KMT5B: variants seen among roughly 807,000 people sequenced by gnomAD.
The protein encoded by KMT5B is lysine methyltransferase 5B.
Under a neutral mutation model 83.2 loss-of-function variants are expected in KMT5B, and 10 were observed. The ratio of observed to expected loss-of-function variants is 0.12; its 90% confidence interval spans 0.07 to 0.20. The LOEUF is 0.20. Ranked by LOEUF, KMT5B falls within the 10% of genes least tolerant of loss-of-function variation. KMT5B has a pLI of 1.00. For synonymous variants in KMT5B, 349 were observed against 388.8 expected, an observed-to-expected ratio of 0.90 and a Z score of 1.20; for missense variants, 753 against 1,067.2, an observed-to-expected ratio of 0.71 and a Z score of 4.10.
chr11:68,183,978 G>A (rs1420196489), intron 3 of KMT5B, among the ~76,000 whole-genome samples: 1 of 152,036 alleles, frequency 6.6e-6, no homozygotes, highest in Non-Finnish European at 1.5e-5. Flanking sequence ...AATCAATCAG[G>A]GCATCCAATG....
chr11:68,187,606 G>A (rs1857560007), intron 2 of KMT5B, among the ~76,000 whole-genome samples: 1 of 152,290 alleles, frequency 6.6e-6, no homozygotes, highest in Non-Finnish European at 1.5e-5. Context: ...TCTAGCATAT[G>A]TTCTATCCTG....
At chr11:68,189,069 A>G (rs1282246800) in intron 2 of KMT5B, among the ~76,000 whole-genome samples, 1 of 152,250 alleles carries the variant, frequency 6.6e-6, no homozygotes, top group Non-Finnish European at 1.5e-5. Flanking sequence ...AAGGAAATCT[A>G]TCAGAACTTG....
intron 4 of KMT5B, among the ~76,000 whole-genome samples, chr11:68,175,446 T>C (rs1856264147): frequency 6.6e-6 from 1 of 152,234 alleles, no homozygotes; most frequent in Non-Finnish European, 1.5e-5. Flanking sequence ...TTCTCTTTTT[T>C]CAATCTGTTA....
chr11:68,208,627 G>A (rs1445844202), intron 1 of KMT5B, among the ~76,000 whole-genome samples: 1 of 152,200 alleles, frequency 6.6e-6, no homozygotes, highest in Non-Finnish European at 1.5e-5. Context: ...AGGATGTTAG[G>A]AGAGAGACTA....
chr11:68,158,889 T>G lies in KMT5B; in HGVS notation c.1457A>C (p.Lys486Thr). The G allele has an allele frequency of 6.2e-7, 1 of 1,614,178 alleles. No individual in the cohort carries two copies. Among genetic ancestry groups the G allele is most frequent in the Non-Finnish European group, 8.5e-7 (1 of 1,180,050 alleles). Reference sequence around the variant, plus strand: ...CTTATCTTTTTTAATGGGCAAATTTTTATACAGAACTACTTTAGGCTCTTT... The same window carrying G: ...CTTATCTTTTTTAATGGGCAAATTTGTATACAGAACTACTTTAGGCTCTTT... ...VLKEPKVVLYKNLPIKKDKEP... is the reference protein window; with the variant it reads ...VLKEPKVVLYTNLPIKKDKEP... The change falls in exon 11 of 11, where the codon AAA becomes ACA. Residue 486 changes from lysine to threonine, a missense_variant. By Grantham distance (78) the Lys-to-Thr change is moderately conservative. Coordinates refer to ENST00000304363, the MANE Select transcript of KMT5B (RefSeq NM_017635.5).
At position 68,156,688 on chromosome 11, in the gene KMT5B, A is replaced by G. The variant is rs1010021722; in HGVS notation, c.*1000T>C. 1.4e-4 allele frequency: 21 copies of G among 152,636 alleles called. No homozygotes were observed. Among genetic ancestry groups the G allele is most frequent in the Admixed American group, 6.5e-4 (10 of 15,282 alleles). 9.5% of individuals were successfully genotyped at this position (152,636 alleles called of 1,614,324 possible). On this transcript the variant is annotated 3_prime_UTR_variant, in exon 11 of 11. Transcript: ENST00000304363. ...ATATACATTGTTTTCAGTTCTTTAC[A>G]TTGAATCTCAAAGACAAACTTTTTT...
intron 1 of KMT5B, among the ~76,000 whole-genome samples, chr11:68,205,311 T>C (rs1002547880): frequency 2.0e-5 from 3 of 151,784 alleles, no homozygotes; most frequent in Non-Finnish European, 4.4e-5. Context: ...GAGTGAGACC[T>C]CACCTTTAAA....
chr11:68,188,089 A>C (rs1196376297), intron 2 of KMT5B, among the ~76,000 whole-genome samples: 1 of 150,796 alleles, frequency 6.6e-6, no homozygotes, highest in Non-Finnish European at 1.5e-5. Context: ...CAGTGACGCA[A>C]TCTCGGCTCA....
intron 1 of KMT5B, among the ~76,000 whole-genome samples, chr11:68,202,142 A>G (rs934648964): frequency 6.6e-5 from 10 of 152,104 alleles, no homozygotes; most frequent in Admixed American, 2.0e-4. Context: ...CAAAGAAAAC[A>G]TTTTTCAAGT....
At chr11:68,191,581 G>A (rs1858075914) in intron 1 of KMT5B, among the ~76,000 whole-genome samples, 1 of 151,808 alleles carries the variant, frequency 6.6e-6, no homozygotes, top group Non-Finnish European at 1.5e-5. Flanking sequence ...TGATCCACCT[G>A]CCTTGGCCTC....
chr11:68,181,138 G>C lies in KMT5B; in HGVS notation c.309-938C>G, dbSNP rs532283808. Among the ~76,000 whole-genome samples, 3 of 150,046 alleles carry C rather than the reference G, an allele frequency of 2.0e-5. No individual in the cohort carries two copies. The East Asian group carries it at 5.9e-4, about 29-fold the overall frequency. ...TGCCCAGGCTGGAGTGCAGTGGTGT[G>C]ATCTAGGCTCACTGCAACCTCTGCC... is the stretch of plus-strand genomic sequence containing the variant. On this transcript the variant is annotated intron_variant, in intron 3 of 10. Transcript: ENST00000304363.
chr11:68,199,174 CTG>C (rs1269618622), intron 1 of KMT5B, among the ~76,000 whole-genome samples: 1 of 152,138 alleles, frequency 6.6e-6, no homozygotes, highest in Non-Finnish European at 1.5e-5. Flanking sequence ...ATTCCAGACA[CTG>C]TTGCAGGCAC....
intron 1 of KMT5B, among the ~76,000 whole-genome samples, chr11:68,208,823 C>T (rs1860505180): frequency 6.6e-6 from 1 of 152,192 alleles, no homozygotes; most frequent in Non-Finnish European, 1.5e-5. Flanking sequence ...TGCTCTCCAG[C>T]CTGGGAGGCT....
chr11:68,194,524 A>G lies in KMT5B; in HGVS notation c.-76-4372T>C, dbSNP rs377237917. 7.2e-5 allele frequency among the ~76,000 whole-genome samples: 11 copies of G among 152,240 alleles called. No homozygotes were observed. The East Asian group carries it at 1.4e-3, about 19-fold the overall frequency. ...TCAAAAATTATAGCCTACTATCACA[A>G]TGCATTGAAGATTTGAATTTCAATA... On this transcript the variant is annotated intron_variant, in intron 1 of 10. Coordinates refer to ENST00000304363, the MANE Select transcript of KMT5B (RefSeq NM_017635.5).
intron 9 of KMT5B, among the ~76,000 whole-genome samples, 166 bp from the exon 10 acceptor site, chr11:68,167,344 A>G (rs1391746373): frequency 6.6e-6 from 1 of 152,200 alleles, no homozygotes; most frequent in Non-Finnish European, 1.5e-5. Context: ...TTAAGTATCT[A>G]TATTATAAAA....
chr11:68,188,063 C>T (rs1182025316), intron 2 of KMT5B, among the ~76,000 whole-genome samples: 3 of 145,964 alleles, frequency 2.1e-5, no homozygotes, highest in African/African-American at 2.5e-5. Context: ...CTCGCTCTGT[C>T]GCCCAGGCTG....
At chr11:68,181,231 T>C (rs915667989) in intron 3 of KMT5B, among the ~76,000 whole-genome samples, 2 of 152,032 alleles carry the variant, frequency 1.3e-5, no homozygotes, top group Non-Finnish European at 2.9e-5. Flanking sequence ...CGCACCACCA[T>C]GCCTGGCTAA....
At chr11:68,207,208 C>T (rs943456106) in intron 1 of KMT5B, among the ~76,000 whole-genome samples, 3 of 148,194 alleles carry the variant, frequency 2.0e-5, no homozygotes, top group East Asian at 1.9e-4. Context: ...AGCGAGACTC[C>T]GTTTCAAAAA....
At chr11:68,174,114 G>T in intron 5 of KMT5B, 1 of 628,288 alleles carries the variant, frequency 1.6e-6, no homozygotes, top group Non-Finnish European at 2.9e-6. Context: ...GTGGGAGGCT[G>T]AGAGGAAGAA....
Sources: allele counts gnomAD v4.1 joint callset (sites outside exome capture counted in the v4.1 genomes callset), GRCh38; gene constraint gnomAD v4.1.1; transcripts MANE v1.5; gene names NCBI Gene and HGNC (gene_info 2026-07-23, HGNC 2026-07-21).